Variants in CDK7 observed in about 807,000 individuals in gnomAD.
CDK7 encodes the protein cyclin dependent kinase 7, also known as cyclin-dependent kinase 7.
In CDK7, 25 loss-of-function variants were observed where a neutral mutation model predicts 49.1. The observed-to-expected ratio is 0.51, with a 90% CI of 0.37 to 0.71. The LOEUF (loss-of-function observed/expected upper bound fraction) is 0.71. Ranked by LOEUF, CDK7 falls within the 30% of genes least tolerant of loss-of-function variation. CDK7 has a pLI of 0.00. For synonymous variants in CDK7, 107 were observed against 140.0 expected (o/e 0.76, Z 1.67); for missense variants, 316 against 411.7 (o/e 0.77, Z 2.01).
intron 11 of CDK7, 49 bp downstream of exon 11, chr5:69,276,739 A>C (rs1413244594): frequency 3.3e-6 from 5 of 1,521,480 alleles, no homozygotes; most frequent in Middle Eastern, 1.8e-4. Flanking sequence ...GAAAACTCCA[A>C]ATAGCTCGTG....
At chr5:69,257,577 C>T (rs533029440) in intron 5 of CDK7, among the ~76,000 whole-genome samples, 7 of 152,252 alleles carry the variant, frequency 4.6e-5, no homozygotes, top group African/African-American at 1.4e-4. Context: ...TTGATTCTAG[C>T]ACAAGTACTT....
chr5:69,252,094 G>GT (rs1561356283), intron 2 of CDK7, among the ~76,000 whole-genome samples: 1 of 152,092 alleles, frequency 6.6e-6, no homozygotes, highest in African/African-American at 2.4e-5. Flanking sequence ...TTGAAGTTAC[G>GT]TATTTATTTT....
intron 2 of CDK7, among the ~76,000 whole-genome samples, chr5:69,243,038 CTG>C (rs1215007143): frequency 2.0e-5 from 3 of 152,076 alleles, no homozygotes; most frequent in Non-Finnish European, 4.4e-5. Flanking sequence ...AGAGCAAAAA[CTG>C]TGTCTCAAAA....
intron 9 of CDK7, among the ~76,000 whole-genome samples, chr5:69,270,320 T>C: frequency 6.6e-6 from 1 of 152,140 alleles, no homozygotes; most frequent in East Asian, 1.9e-4. Flanking sequence ...GGTGCACACA[T>C]TATGGTCCCA....
chr5:69,261,508 G>GTGTGTGTGTGTGTC (rs1750815186), intron 7 of CDK7, among the ~76,000 whole-genome samples: 1 of 138,488 alleles, frequency 7.2e-6, no homozygotes, highest in African/African-American at 2.5e-5. Context: ...GTGTGTGTGT[G>GTGTGTGTGTGTGTC]TGTGTGTGTG....
chr5:69,252,331 G>C, intron 2 of CDK7, 87 bp from the exon 3 acceptor site: 1 of 803,930 alleles, frequency 1.2e-6, no homozygotes, highest in South Asian at 1.5e-5. Flanking sequence ...CTGTGGCGAA[G>C]TATTTGAAGT....
At chr5:69,259,990 A>G (rs1377525247) in intron 7 of CDK7, 54 bp downstream of exon 7, 2 of 1,077,934 alleles carry the variant, frequency 1.9e-6, no homozygotes, top group South Asian at 1.3e-5. Flanking sequence ...ATGAGCATCA[A>G]CTGGCTTCTC....
chr5:69,246,523 T>C (rs531847979), intron 2 of CDK7, among the ~76,000 whole-genome samples: 16 of 152,288 alleles, frequency 1.1e-4, no homozygotes, highest in African/African-American at 3.8e-4. Flanking sequence ...AGAACATGTG[T>C]CCAATTTTGA....
At chr5:69,243,826 GTTTTTTT>G (rs747576681) in intron 2 of CDK7, among the ~76,000 whole-genome samples, 3 of 66,394 alleles carry the variant, frequency 4.5e-5, no homozygotes, top group African/African-American at 1.6e-4. Context: ...AATGATAGTT[GTTTTTTT>G]TTTTTTTTTT....
rs1331838828 is a variant in CDK7 at position 69,235,409 on chromosome 5, A to G, written c.82A>G (p.Lys28Glu). Residue 28 changes from lysine to glutamate, a missense_variant, in exon 2 of 12, where the codon AAG becomes GAG. Transcript: ENST00000256443. Reference sequence around the variant, plus strand: ...TTCTTTCTAGTTTGCCACCGTTTACAAGGCCAGAGATAAGAACACCAACCA... The same window carrying G: ...TTCTTTCTAGTTTGCCACCGTTTACGAGGCCAGAGATAAGAACACCAACCA... ...LGEGQFATVY[K>E]ARDKNTNQIV... is the part of the protein sequence containing the mutation. The G allele has an allele frequency of 1.9e-6, 3 of 1,604,368 alleles. No homozygotes were observed. Among genetic ancestry groups the G allele is most frequent in the Non-Finnish European group, 1.7e-6 (2 of 1,171,328 alleles).
At position 69,277,176 on chromosome 5, in the gene CDK7, C is replaced by CA; in HGVS notation, c.*46dup. On this transcript the variant is annotated 3_prime_UTR_variant, in exon 12 of 12. Coordinates refer to ENST00000256443, the MANE Select transcript of CDK7 (RefSeq NM_001799.4). Reference sequence around the variant, plus strand: ...ACATTTTACTACTGAGGGAAATAGCCAAAAAGGCAAATAATGGAAAAATAG... The same window carrying CA: ...ACATTTTACTACTGAGGGAAATAGCCAAAAAAGGCAAATAATGGAAAAATAG... 6.9e-7 allele frequency: 1 copy of CA among 1,454,686 alleles called. No homozygotes were observed. Among genetic ancestry groups the CA allele is most frequent in the Non-Finnish European group, 9.4e-7 (1 of 1,065,944 alleles). The allele number at this position is 1,454,686 out of a possible 1,614,324, so 90.1% of individuals were successfully genotyped here. A position where few individuals can be genotyped will look rare whatever the true frequency, so the allele number is the denominator to read the frequency against.
intron 2 of CDK7, among the ~76,000 whole-genome samples, chr5:69,240,760 T>C (rs970482606): frequency 6.6e-5 from 10 of 152,092 alleles, no homozygotes; most frequent in Non-Finnish European, 1.5e-4. Flanking sequence ...CCCGAGTAGC[T>C]GGGATTACAG....
rs983076713 is a variant in CDK7, at chr5:69,245,470, A to T, written c.127-6948A>T. 3.3e-5 allele frequency among the ~76,000 whole-genome samples: 5 copies of T among 151,306 alleles called. No homozygotes were observed. In the South Asian group the frequency reaches 8.3e-4, roughly 25 times the overall value. On this transcript the variant is annotated intron_variant, in intron 2 of 11. Transcript: ENST00000256443. Reference sequence around the variant, plus strand: ...ATTCTCCTGCCTCAGCCTCCCAAGTAGCTGGGATTACAGGCATGCACCACC... The same window carrying T: ...ATTCTCCTGCCTCAGCCTCCCAAGTTGCTGGGATTACAGGCATGCACCACC...
intron 2 of CDK7, among the ~76,000 whole-genome samples, chr5:69,245,309 CCCCCTCCCCTT>C (rs1749675953): frequency 9.4e-6 from 1 of 106,054 alleles, no homozygotes; most frequent in Non-Finnish European, 1.9e-5. Flanking sequence ...CCCTCCCCTT[CCCCCTCCCCTT>C]CCCCTCCCTT....
At position 69,272,954 on chromosome 5, in the gene CDK7, C is replaced by T. The variant is rs1751712917; in HGVS notation, c.777C>T (p.His259=). Residue 259 remains histidine, a synonymous_variant, in exon 10 of 12, where the codon CAC becomes CAT. Coordinates refer to ENST00000256443, the MANE Select transcript of CDK7 (RefSeq NM_001799.4). ...FKSFPGIPLH[H]IFSAAGDDLL... ...GTTTCCCTGGAATACCTTTGCATCA[C>T]ATCTTCAGTGCAGCAGGAGACGACT... The T allele has an allele frequency of 1.9e-6, 3 of 1,600,658 alleles. No individual in the cohort carries two copies. The highest frequency in any genetic ancestry group is 2.7e-5 in the African/African-American group (2 of 73,420).
chr5:69,267,879 A>T (rs1751266828), intron 8 of CDK7, among the ~76,000 whole-genome samples: 1 of 152,242 alleles, frequency 6.6e-6, no homozygotes, highest in Non-Finnish European at 1.5e-5. Context: ...CCCTACAAAA[A>T]ACAAAAGATA....
intron 9 of CDK7, among the ~76,000 whole-genome samples, chr5:69,272,142 A>G (rs1751621624): frequency 6.6e-6 from 1 of 152,156 alleles, no homozygotes; most frequent in South Asian, 2.1e-4. Context: ...GTATTTGTTG[A>G]AATGACGGTC....
intron 8 of CDK7, among the ~76,000 whole-genome samples, chr5:69,265,042 T>C (rs113153819): frequency 0.15 from 23,207 of 151,454 alleles, 1,910 homozygotes; most frequent in African/African-American, 0.21. Flanking sequence ...GGCAGGCAGA[T>C]CACGAGGTGA....
intron 8 of CDK7, among the ~76,000 whole-genome samples, chr5:69,265,977 G>T (rs1178907052): frequency 1.3e-5 from 2 of 151,916 alleles, no homozygotes; most frequent in Non-Finnish European, 2.9e-5. Flanking sequence ...AGTCCCAGCT[G>T]CTTGGGAGGC....
Sources: allele counts gnomAD v4.1 joint callset (sites outside exome capture counted in the v4.1 genomes callset), GRCh38; gene constraint gnomAD v4.1.1; transcripts MANE v1.5; gene names NCBI Gene and HGNC (gene_info 2026-07-23, HGNC 2026-07-21).